ITPR1: variants seen among roughly 807,000 people sequenced by gnomAD.
ITPR1 encodes the protein inositol 1,4,5-trisphosphate-gated calcium channel ITPR1.
Under a neutral mutation model 318.4 loss-of-function variants are expected in ITPR1, and 96 were observed. The ratio of observed to expected loss-of-function variants is 0.30; its 90% confidence interval spans 0.26 to 0.36. ITPR1 has a LOEUF of 0.36. Ranked by LOEUF, ITPR1 falls within the 10% of genes least tolerant of loss-of-function variation. The pLI is 1.00. For synonymous variants in ITPR1, 1,312 were observed against 1,289.9 expected, an observed-to-expected ratio of 1.02 and a Z score of -0.37; for missense variants, 2,440 against 3,460.2, an observed-to-expected ratio of 0.71 and a Z score of 7.40.
intron 25 of ITPR1, among the ~76,000 whole-genome samples, chr3:4,681,041 G>T (rs1171760035): frequency 1.3e-5 from 2 of 152,126 alleles, no homozygotes. Context: ...ACTCACTTTG[G>T]AAGTTTTTCC....
intron 7 of ITPR1, 135 bp downstream of exon 7, chr3:4,642,386 G>A (rs1196135225): frequency 5.4e-6 from 3 of 556,916 alleles, no homozygotes; most frequent in Non-Finnish European, 8.3e-6. Flanking sequence ...AATTGCTATG[G>A]AAACTAGTGT....
chr3:4,503,903 A>G (rs1285295327), intron 2 of ITPR1, among the ~76,000 whole-genome samples: 8 of 152,072 alleles, frequency 5.3e-5, no homozygotes, highest in Non-Finnish European at 8.8e-5. Context: ...ACTTTTTAAC[A>G]AAATAAGCAC....
chr3:4,583,303 T>C (rs2089541505), intron 4 of ITPR1, among the ~76,000 whole-genome samples: 1 of 152,178 alleles, frequency 6.6e-6, no homozygotes, highest in African/African-American at 2.4e-5. Flanking sequence ...ACTCTACAAA[T>C]GTAGACTTGG....
At chr3:4,671,544 GTTTA>G (rs1449321868) in intron 20 of ITPR1, 1 of 152,254 alleles carries the variant, frequency 6.6e-6, no homozygotes, top group African/African-American at 2.4e-5. Context: ...TTCCCTGTAT[GTTTA>G]CCCATCTGCC....
At chr3:4,831,784 TCAAA>T (rs1325273471) in intron 60 of ITPR1, among the ~76,000 whole-genome samples, 1 of 152,230 alleles carries the variant, frequency 6.6e-6, no homozygotes, top group African/African-American at 2.4e-5. Context: ...CATTCAGCAC[TCAAA>T]CAAGCTCAGA....
intron 4 of ITPR1, among the ~76,000 whole-genome samples, chr3:4,598,357 C>A (rs567823738): frequency 6.6e-6 from 1 of 152,202 alleles, no homozygotes; most frequent in African/African-American, 2.4e-5. Context: ...CAGTGGCTCA[C>A]GCCTATAATC....
chr3:4,553,748 C>G (rs1327620696), intron 4 of ITPR1, among the ~76,000 whole-genome samples: 1 of 151,614 alleles, frequency 6.6e-6, no homozygotes, highest in Non-Finnish European at 1.5e-5. Context: ...TTACAGGTGC[C>G]CACCACCACG....
intron 44 of ITPR1, among the ~76,000 whole-genome samples, chr3:4,757,955 T>C (rs1202955337): frequency 2.6e-5 from 4 of 152,140 alleles, no homozygotes; most frequent in Non-Finnish European, 5.9e-5. Flanking sequence ...TGGTGGGAGA[T>C]GTCCTCTGAA....
chr3:4,799,957 G>C (rs1553751318), intron 53 of ITPR1: 1 of 154,812 alleles, frequency 6.5e-6, no homozygotes, highest in Non-Finnish European at 1.4e-5. Context: ...ACATGCATGA[G>C]TTTTATTTCT....
chr3:4,749,868 A>G (rs1161132522), intron 44 of ITPR1: 1 of 152,738 alleles, frequency 6.5e-6, no homozygotes, highest in African/African-American at 2.4e-5. Flanking sequence ...CCCTGTTCAT[A>G]AGCCCTGATG....
At chr3:4,828,497 C>T (rs1204383154) in intron 60 of ITPR1, among the ~76,000 whole-genome samples, 1 of 152,160 alleles carries the variant, frequency 6.6e-6, no homozygotes, top group Non-Finnish European at 1.5e-5. Context: ...GCCGGCCCCA[C>T]CTTTTTCTCC....
chr3:4,612,794 G>A (rs977761251), intron 4 of ITPR1, among the ~76,000 whole-genome samples: 1 of 152,170 alleles, frequency 6.6e-6, no homozygotes, highest in Non-Finnish European at 1.5e-5. Flanking sequence ...GGCTGAGACA[G>A]GAGAATTGCT....
intron 46 of ITPR1, 54 bp downstream of exon 46, chr3:4,768,818 C>T: frequency 6.5e-7 from 1 of 1,542,380 alleles, no homozygotes. Context: ...CTGCCAAGGC[C>T]TGCCTTCCTC....
intron 5 of ITPR1, among the ~76,000 whole-genome samples, chr3:4,634,744 A>G (rs955761023): frequency 6.6e-6 from 1 of 152,120 alleles, no homozygotes; most frequent in African/African-American, 2.4e-5. Context: ...TTAAAGTATC[A>G]ACAGGAGTGT....
chr3:4,775,122 C>A, intron 46 of ITPR1, 120 bp from the exon 47 acceptor site: 1 of 770,086 alleles, frequency 1.3e-6, no homozygotes, highest in South Asian at 1.4e-5. Flanking sequence ...CATGCTCTCC[C>A]ACGTGGCATC....
chr3:4,730,043 T>C (rs1311603977), intron 42 of ITPR1, among the ~76,000 whole-genome samples: 1 of 152,064 alleles, frequency 6.6e-6, no homozygotes, highest in African/African-American at 2.4e-5. Flanking sequence ...CTCTGCAGAT[T>C]TTAATTTTTC....
chr3:4,678,548 G>T (rs970166560), intron 24 of ITPR1, among the ~76,000 whole-genome samples: 1 of 152,192 alleles, frequency 6.6e-6, no homozygotes, highest in African/African-American at 2.4e-5. Context: ...TCGAACAGGG[G>T]CTCCATCCAC....
chr3:4,727,870 C>A (rs896667204), intron 42 of ITPR1, among the ~76,000 whole-genome samples: 2 of 152,208 alleles, frequency 1.3e-5, no homozygotes, highest in African/African-American at 4.8e-5. Flanking sequence ...GCCACCATGC[C>A]CAGCCCCACT....
At chr3:4,513,488 G>T (rs1251402674) in intron 2 of ITPR1, among the ~76,000 whole-genome samples, 1 of 152,192 alleles carries the variant, frequency 6.6e-6, no homozygotes, top group Non-Finnish European at 1.5e-5. Flanking sequence ...ACCCCTGGCA[G>T]ATTGCCCAGA....
Sources: allele counts gnomAD v4.1 joint callset (sites outside exome capture counted in the v4.1 genomes callset), GRCh38; gene constraint gnomAD v4.1.1; transcripts MANE v1.5; gene names NCBI Gene and HGNC (gene_info 2026-07-23, HGNC 2026-07-21).